NMNAT3: variants seen among roughly 807,000 people sequenced by gnomAD.
NMNAT3 encodes the protein nicotinamide/nicotinic acid mononucleotide adenylyltransferase 3.
NMNAT3 carries 21 observed loss-of-function variants against 24.8 expected under a neutral mutation model. The ratio of observed to expected loss-of-function variants is 0.85; its 90% CI spans 0.60 to 1.22. The LOEUF is 1.22. NMNAT3 is among the 50% of genes most tolerant of loss of function. The probability of loss-of-function intolerance (pLI) is 0.00; values close to 1 mark genes in which losing one functional copy is unlikely to be tolerated. For missense variants in NMNAT3, 387 were observed against 436.6 expected, an observed-to-expected ratio of 0.89 and a Z score of 1.01; for synonymous variants, 136 against 155.2, an observed-to-expected ratio of 0.88 and a Z score of 0.92.
intron 3 of NMNAT3, among the ~76,000 whole-genome samples, chr3:139,627,028 C>T (rs1351510400): frequency 6.6e-6 from 1 of 152,112 alleles, no homozygotes; most frequent in African/African-American, 2.4e-5. Context: ...TTACAAATGT[C>T]ACTTTACTCC....
At position 139,600,793 on chromosome 3, in the gene NMNAT3, C is replaced by G. The variant is rs885223; in HGVS notation, c.110-17585G>C. Among the ~76,000 whole-genome samples the G allele has an allele frequency of 9.3e-3, 1,410 of 152,282 alleles. 23 individuals are homozygous for G. Among genetic ancestry groups the G allele is most frequent in the East Asian group, 0.053 (277 of 5,186 alleles). On this transcript the variant is annotated intron_variant, in intron 3 of 6. Coordinates refer to ENST00000643695, the MANE Select transcript of NMNAT3 (RefSeq NM_001320510.2). ...GCAGCACCTTCTGTGTGTCTGAGCC[C>G]TTACATAGCTTCCAGAGGAAGGGGT...
chr3:139,627,715 G>C lies in NMNAT3; in HGVS notation c.10C>G (p.Arg4Gly), dbSNP rs745497501. The C allele has an allele frequency of 1.4e-5, 22 of 1,590,780 alleles. No homozygotes were observed. The highest frequency in any genetic ancestry group is 1.9e-5 in the Non-Finnish European group (22 of 1,175,910). Residue 4 changes from arginine to glycine, a missense_variant, in exon 3 of 7, where the codon CGA (arginine) becomes GGA (glycine). Arg to Gly is a moderately radical substitution (Grantham distance 125). This residue lies in a region of NMNAT3 where 51 missense variants were observed against 55.6 expected (regional missense o/e 0.92). Coordinates refer to ENST00000643695, the MANE Select transcript of NMNAT3 (RefSeq NM_001320510.2). ...CAGGCCAGGAGCACCACAGGTATTC[G>C]GCTCTTCATCTTGTCAGGCACATCC...
At chr3:139,633,181 A>AATT (rs1553755552) in intron 2 of NMNAT3, among the ~76,000 whole-genome samples, 1 of 99,370 alleles carries the variant, frequency 1.0e-5, no homozygotes. Flanking sequence ...TTTTTGTTTG[A>AATT]TTTTTTTTTT....
At chr3:139,649,452 G>A (rs769030009) in intron 1 of NMNAT3, among the ~76,000 whole-genome samples, 23 of 152,116 alleles carry the variant, frequency 1.5e-4, no homozygotes, top group South Asian at 6.2e-4. Flanking sequence ...AGGCAAGTGC[G>A]TCTTTTGTCT....
intron 1 of NMNAT3, among the ~76,000 whole-genome samples, chr3:139,644,862 T>A (rs1163223813): frequency 1.3e-5 from 2 of 152,150 alleles, no homozygotes; most frequent in Non-Finnish European, 2.9e-5. Context: ...ACAGAAGGCT[T>A]GTAATCACAG....
intron 1 of NMNAT3, among the ~76,000 whole-genome samples, chr3:139,674,912 C>T (rs1056074852): frequency 6.6e-6 from 1 of 152,126 alleles, no homozygotes; most frequent in Non-Finnish European, 1.5e-5. Flanking sequence ...GCTTAATGCT[C>T]CTAACAGCCC....
At chr3:139,564,627 G>A (rs1390902978) in intron 6 of NMNAT3, among the ~76,000 whole-genome samples, 1 of 152,226 alleles carries the variant, frequency 6.6e-6, no homozygotes, top group East Asian at 1.9e-4. Flanking sequence ...TAGAAGTGAT[G>A]GGCAAAGCAA....
intron 3 of NMNAT3, chr3:139,599,571 A>C: frequency 1.6e-6 from 1 of 606,064 alleles, no homozygotes; most frequent in Non-Finnish European, 2.9e-6. Context: ...AAAGACCAGA[A>C]TCTCAACTAA....
chr3:139,649,725 C>T (rs1576743603), intron 1 of NMNAT3, among the ~76,000 whole-genome samples: 1 of 152,284 alleles, frequency 6.6e-6, no homozygotes, highest in African/African-American at 2.4e-5. Flanking sequence ...CACCCCTAGC[C>T]TCACTCCTCT....
intron 1 of NMNAT3, among the ~76,000 whole-genome samples, chr3:139,644,928 G>A (rs963644730): frequency 1.3e-5 from 2 of 152,192 alleles, no homozygotes; most frequent in South Asian, 4.1e-4. Flanking sequence ...TCGCGGCCGG[G>A]AGTGGTGGCT....
Position 139,634,066 on chromosome 3 carries a change from G to A in NMNAT3, c.-41+3897C>T, listed in dbSNP as rs557475501. On this transcript the variant is annotated intron_variant, in intron 2 of 6. Coordinates refer to ENST00000643695, the MANE Select transcript of NMNAT3 (RefSeq NM_001320510.2). ...CTTCCGCCTGCTCACATCTCACTTG[G>A]CTCACCACGTAATGTGATGCTGGCC... is the stretch of plus-strand genomic sequence containing the variant. Among the ~76,000 whole-genome samples, 7 of 152,284 alleles carry A rather than the reference G, an allele frequency of 4.6e-5. No homozygotes were observed. In the South Asian group the frequency reaches 1.4e-3, roughly 32 times the overall value.
chr3:139,613,480 G>A (rs921826841), intron 3 of NMNAT3, among the ~76,000 whole-genome samples: 17 of 152,204 alleles, frequency 1.1e-4, no homozygotes, highest in East Asian at 1.9e-4. Context: ...AAAAGTCAGG[G>A]AACAACAGGT....
chr3:139,619,921 A>G (rs778860212), intron 3 of NMNAT3, among the ~76,000 whole-genome samples: 3 of 152,226 alleles, frequency 2.0e-5, no homozygotes, highest in Non-Finnish European at 4.4e-5. Context: ...CAGCAGCAAT[A>G]ACATTATTGG....
At chr3:139,575,952 T>C (rs1157669069) in intron 5 of NMNAT3, 1 of 1,289,054 alleles carries the variant, frequency 7.8e-7, no homozygotes. Flanking sequence ...TATTTGTGTG[T>C]GACCGTGATT....
chr3:139,629,738 C>T (rs1402055237), intron 2 of NMNAT3, among the ~76,000 whole-genome samples: 1 of 152,182 alleles, frequency 6.6e-6, no homozygotes, highest in African/African-American at 2.4e-5. Flanking sequence ...ATTCTAGCAA[C>T]AATGAACTAC....
chr3:139,592,558 G>A (rs1160193558), intron 3 of NMNAT3, among the ~76,000 whole-genome samples: 58 of 149,058 alleles, frequency 3.9e-4, no homozygotes, highest in South Asian at 1.7e-3. Context: ...AATGTTAAGG[G>A]CAGCCAGAGA....
chr3:139,660,524 C>T (rs985056334), intron 1 of NMNAT3, among the ~76,000 whole-genome samples: 1 of 152,292 alleles, frequency 6.6e-6, no homozygotes, highest in Non-Finnish European at 1.5e-5. Context: ...GAAATTACTA[C>T]TAAGGTCACC....
chr3:139,640,943 C>A (rs1170209586), intron 1 of NMNAT3, among the ~76,000 whole-genome samples: 1 of 152,182 alleles, frequency 6.6e-6, no homozygotes, highest in Non-Finnish European at 1.5e-5. Flanking sequence ...TAACTGAGTT[C>A]ATCCAACATA....
At chr3:139,653,339 T>A (rs568825192) in intron 1 of NMNAT3, among the ~76,000 whole-genome samples, 8 of 151,244 alleles carry the variant, frequency 5.3e-5, no homozygotes, top group Admixed American at 2.0e-4. Context: ...CCCCATAATT[T>A]AAAAAAAAAC....
Sources: allele counts gnomAD v4.1 joint callset (sites outside exome capture counted in the v4.1 genomes callset), GRCh38; gene constraint gnomAD v4.1.1; regional missense constraint gnomAD v4.1.1; transcripts MANE v1.5; gene names NCBI Gene and HGNC (gene_info 2026-07-23, HGNC 2026-07-21).